The following RNF180 variants were observed in gnomAD, a reference collection of about 807,000 sequenced individuals.
RNF180 encodes ring finger protein 180.
In RNF180, 38 loss-of-function variants were observed where a neutral mutation model predicts 59.2. The ratio of observed to expected loss-of-function variants is 0.64; its 90% CI spans 0.50 to 0.84. The LOEUF is 0.84. Among genes scored for constraint, RNF180 ranks in the 40% least tolerant of loss-of-function variants. The pLI is 0.00. For synonymous variants in RNF180, 262 were observed against 240.3 expected (o/e 1.09, Z -0.84); for missense variants, 705 against 700.9 (o/e 1.01, Z -0.07).
chr5:64,190,749 A>G (rs1751104418), intron 1 of RNF180, among the ~76,000 whole-genome samples: 1 of 152,210 alleles, frequency 6.6e-6, no homozygotes, highest in Admixed American at 6.5e-5. Flanking sequence ...GTACACATGC[A>G]CAGAGGAAAG....
intron 7 of RNF180, among the ~76,000 whole-genome samples, chr5:64,342,983 T>C (rs1745415485): frequency 6.6e-6 from 1 of 152,136 alleles, no homozygotes; most frequent in African/African-American, 2.4e-5. Flanking sequence ...AATTGTTAGA[T>C]TGAGGGGATG....
At chr5:64,337,042 G>C (rs149399175) in intron 7 of RNF180, among the ~76,000 whole-genome samples, 141 of 129,696 alleles carry the variant, frequency 1.1e-3, no homozygotes, top group African/African-American at 3.9e-3. Context: ...TGTTTTTTTT[G>C]AGACAACGTC....
intron 2 of RNF180, among the ~76,000 whole-genome samples, chr5:64,208,122 A>G (rs976058012): frequency 1.3e-5 from 2 of 152,088 alleles, no homozygotes; most frequent in Non-Finnish European, 2.9e-5. Flanking sequence ...CTGTTATAGA[A>G]ACTGAGAATA....
At chr5:64,342,910 C>T (rs190303472) in intron 7 of RNF180, among the ~76,000 whole-genome samples, 3 of 152,212 alleles carry the variant, frequency 2.0e-5, no homozygotes, top group South Asian at 4.1e-4. Flanking sequence ...GTCCTTAAGA[C>T]GTTTGAAATT....
rs1171637074 is a variant in RNF180, at chr5:64,234,578, C to CTT, written c.1227+17220_1227+17221dup. 1.0e-3 allele frequency among the ~76,000 whole-genome samples: 49 copies of CTT among 48,522 alleles called. 19 individuals carry two copies. The highest frequency in any genetic ancestry group is 1.2e-3 in the Non-Finnish European group (31 of 26,116). The allele number at this position is 48,522 out of a possible 152,430, so 31.8% of individuals were successfully genotyped here. ...GCTTTCCAAATGGCAGTTACCCGTT[C>CTT]TTTTTTTTTTTTTTTTTTTTTTTTT... is the stretch of plus-strand genomic sequence containing the variant. On this transcript the variant is annotated intron_variant, in intron 5 of 7. Transcript: ENST00000389100.
intron 2 of RNF180, among the ~76,000 whole-genome samples, chr5:64,208,840 A>G (rs1281234509): frequency 6.6e-6 from 1 of 152,108 alleles, no homozygotes; most frequent in Admixed American, 6.6e-5. Flanking sequence ...AAAAAAATAT[A>G]TGCTGTTTTA....
intron 7 of RNF180, among the ~76,000 whole-genome samples, chr5:64,347,258 C>T (rs1340645699): frequency 1.3e-5 from 2 of 152,132 alleles, no homozygotes; most frequent in African/African-American, 4.8e-5. Context: ...TACTTCAATA[C>T]TGTATTCAAG....
chr5:64,251,353 G>A (rs900365423), intron 5 of RNF180, among the ~76,000 whole-genome samples: 1 of 152,144 alleles, frequency 6.6e-6, no homozygotes, highest in African/African-American at 2.4e-5. Context: ...TAGCAATTAG[G>A]CAAGAAAAAG....
intron 5 of RNF180, among the ~76,000 whole-genome samples, chr5:64,293,287 C>T (rs1453698552): frequency 6.6e-6 from 1 of 152,122 alleles, no homozygotes; most frequent in Non-Finnish European, 1.5e-5. Context: ...CTTCATTCTT[C>T]ATGGGTTGAG....
chr5:64,214,621 GTAA>G lies in RNF180; in HGVS notation c.1191+106_1191+108del, dbSNP rs1192063988. The G allele has an allele frequency of 8.0e-6, 8 of 1,005,428 alleles. No individual in the cohort carries two copies. The East Asian group carries it at 1.5e-4, about 19-fold the overall frequency. 62.3% of individuals were successfully genotyped at this position (1,005,428 alleles called of 1,614,324 possible). On this transcript the variant is annotated intron_variant, in intron 4 of 7. Coordinates refer to ENST00000389100, the MANE Select transcript of RNF180 (RefSeq NM_001113561.2). ...TCTGTATAATAAAAACTTGGTTTTA[GTAA>G]TTCTGGAAATGCTATTTCTCTCTGA...
rs925452405 is a variant in RNF180, at chr5:64,372,239, T to C, written c.*2425T>C. ...ATTTCTGAATAGTTTCAGCAGGTTA[T>C]TTTTTAATTTTAAAAAAGCAAATTC... On this transcript the variant is annotated 3_prime_UTR_variant, in exon 8 of 8. Coordinates refer to ENST00000389100, the MANE Select transcript of RNF180 (RefSeq NM_001113561.2). 4 of 151,824 alleles carry C rather than the reference T, an allele frequency of 2.6e-5. No individual in the cohort carries two copies. The highest frequency in any genetic ancestry group is 7.2e-5 in the African/African-American group (3 of 41,424). The allele number at this position is 151,824 out of a possible 1,614,324, so 9.4% of individuals were successfully genotyped here.
At chr5:64,248,900 T>C (rs1743368316) in intron 5 of RNF180, among the ~76,000 whole-genome samples, 1 of 152,178 alleles carries the variant, frequency 6.6e-6, no homozygotes, top group African/African-American at 2.4e-5. Context: ...GTGGCACATA[T>C]ACATCATGGA....
intron 4 of RNF180, among the ~76,000 whole-genome samples, chr5:64,215,962 A>G (rs925093098): frequency 3.3e-5 from 5 of 152,116 alleles, no homozygotes; most frequent in African/African-American, 1.2e-4. Flanking sequence ...TACACAGTTT[A>G]GAGCAAAGCA....
At chr5:64,334,425 C>T (rs2112547314) in intron 7 of RNF180, among the ~76,000 whole-genome samples, 1 of 152,192 alleles carries the variant, frequency 6.6e-6, no homozygotes, top group Non-Finnish European at 1.5e-5. Flanking sequence ...GGCTTTTTCC[C>T]ATGAATCCTG....
intron 6 of RNF180, among the ~76,000 whole-genome samples, chr5:64,326,318 G>T (rs1175474256): frequency 2.0e-5 from 3 of 151,856 alleles, no homozygotes; most frequent in African/African-American, 7.3e-5. Context: ...AAACTAAATG[G>T]AATTATTAAT....
chr5:64,307,865 T>A (rs1403611151), intron 5 of RNF180, among the ~76,000 whole-genome samples: 3 of 151,788 alleles, frequency 2.0e-5, no homozygotes, highest in Non-Finnish European at 4.4e-5. Context: ...CAGTGAGAAG[T>A]CAAAAAATTT....
chr5:64,259,965 A>T (rs1486401280), intron 5 of RNF180, among the ~76,000 whole-genome samples: 1 of 152,104 alleles, frequency 6.6e-6, no homozygotes, highest in Non-Finnish European at 1.5e-5. Flanking sequence ...ACCCTATGAA[A>T]AGAAGAAAAA....
At chr5:64,243,185 C>T (rs1742901984) in intron 5 of RNF180, among the ~76,000 whole-genome samples, 1 of 152,180 alleles carries the variant, frequency 6.6e-6, no homozygotes, top group Non-Finnish European at 1.5e-5. Context: ...ATTGAGCTAC[C>T]TGCAGGAGAT....
At chr5:64,197,316 A>G (rs1751504181) in intron 1 of RNF180, among the ~76,000 whole-genome samples, 1 of 152,236 alleles carries the variant, frequency 6.6e-6, no homozygotes, top group Non-Finnish European at 1.5e-5. Flanking sequence ...GCTGTTTTGC[A>G]TAAAGTAGCA....
Sources: gnomAD v4.1 joint callset for allele counts (sites outside exome capture counted in the v4.1 genomes callset) on GRCh38, gnomAD v4.1.1 for gene constraint, MANE v1.5 for transcripts, NCBI Gene and HGNC (gene_info 2026-07-23, HGNC 2026-07-21) for gene names.